Variants in SPMIP1 observed in about 807,000 individuals in gnomAD.
SPMIP1 encodes protein SPMIP1.
At chr7:128,868,658 T>C in the SPMIP1 span, 2 of 1,529,916 alleles carry the variant, frequency 1.3e-6, no homozygotes, top group South Asian at 2.4e-5. Flanking sequence ...TCTGACATCT[T>C]TTCCCAGGCC....
chr7:128,869,465 G>A, the SPMIP1 span: 2 of 152,372 alleles, frequency 1.3e-5, no homozygotes, highest in African/African-American at 4.8e-5. Context: ...CGGGAGTTGA[G>A]CCGGACTGGG....
At chr7:128,871,439 T>C in the SPMIP1 span, 1 of 152,234 alleles carries the variant, frequency 6.6e-6, no homozygotes, top group Non-Finnish European at 1.5e-5. Flanking sequence ...CCTTAGCCTT[T>C]TCTTTGTTTC....
chr7:128,869,257 G>C, the SPMIP1 span: 12 of 189,214 alleles, frequency 6.3e-5, no homozygotes, highest in Non-Finnish European at 1.2e-4. Flanking sequence ...GCGTCCTCCT[G>C]GCGGTGCGGA....
the SPMIP1 span, chr7:128,866,935 T>A: frequency 8.6e-7 from 1 of 1,169,212 alleles, no homozygotes; most frequent in Non-Finnish European, 1.2e-6. Flanking sequence ...AGCAAGGAGA[T>A]GGCCAAGAAG....
chr7:128,866,808 C>A, the SPMIP1 span: 1 of 1,534,442 alleles, frequency 6.5e-7, no homozygotes, highest in Non-Finnish European at 8.7e-7. Context: ...TCACCACCAG[C>A]TTCACGTATG....
the SPMIP1 span, chr7:128,868,739 C>T: frequency 2.0e-6 from 3 of 1,535,690 alleles, no homozygotes; most frequent in African/African-American, 1.4e-5. Flanking sequence ...AGAACGGGGC[C>T]TTCGCACTGC....
the SPMIP1 span, chr7:128,869,150 G>A: frequency 5.3e-5 from 19 of 360,468 alleles, no homozygotes; most frequent in African/African-American, 3.7e-4. Flanking sequence ...ACCCCTCCTT[G>A]CCCGCCCCTC....
the SPMIP1 span, chr7:128,869,769 C>A: frequency 6.6e-6 from 1 of 152,216 alleles, no homozygotes; most frequent in Non-Finnish European, 1.5e-5. Context: ...GCCGGCCACG[C>A]GGCCTTCAAG....
the SPMIP1 span, chr7:128,868,585 C>T: frequency 6.1e-6 from 5 of 822,826 alleles, no homozygotes; most frequent in Non-Finnish European, 9.5e-6. Context: ...ATTCCTAGGG[C>T]TGTGCAGACA....
At chr7:128,869,078 C>G in the SPMIP1 span, 1 of 401,860 alleles carries the variant, frequency 2.5e-6, no homozygotes, top group African/African-American at 2.0e-5. Flanking sequence ...TCTGGGTGTT[C>G]CTGGGGAGAG....
the SPMIP1 span, chr7:128,869,002 A>G: frequency 1.5e-5 from 7 of 455,132 alleles, no homozygotes; most frequent in Non-Finnish European, 2.4e-5. Context: ...GGTGCTGGGA[A>G]GGGCGAGCAC....
At chr7:128,866,675 AC>A in the SPMIP1 span, 38 of 1,503,794 alleles carry the variant, frequency 2.5e-5, no homozygotes, top group Non-Finnish European at 3.1e-5. Flanking sequence ...TCGGAAATGT[AC>A]CCGGTACCAC....
At chr7:128,868,129 G>T in the SPMIP1 span, among the ~76,000 whole-genome samples, 1 of 152,248 alleles carries the variant, frequency 6.6e-6, no homozygotes, top group Admixed American at 6.5e-5. Flanking sequence ...GCTGGGCGAT[G>T]TTGCTGCACG....
the SPMIP1 span, chr7:128,866,691 C>A: frequency 1.9e-4 from 281 of 1,497,542 alleles, 1 homozygote; most frequent in Non-Finnish European, 2.8e-5. Flanking sequence ...TACCACCTAT[C>A]ACCCGAGCCC....
the SPMIP1 span, chr7:128,869,835 G>A: frequency 1.2e-4 from 19 of 152,608 alleles, no homozygotes; most frequent in Non-Finnish European, 2.3e-4. Context: ...CGGAAGCCAA[G>A]CCTGGCCCAC....
chr7:128,866,939 C>A, the SPMIP1 span: 3 of 1,101,538 alleles, frequency 2.7e-6, no homozygotes, highest in African/African-American at 1.6e-5. Context: ...AGGAGATGGC[C>A]AAGAAGTGTC....
At chr7:128,866,725 G>A in the SPMIP1 span, 52 of 1,535,696 alleles carry the variant, frequency 3.4e-5, no homozygotes, top group South Asian at 3.3e-4. Flanking sequence ...CATCTCCCAC[G>A]ACTTCCAGGG....
chr7:128,871,045 A>C, the SPMIP1 span: 1 of 152,324 alleles, frequency 6.6e-6, no homozygotes, highest in African/African-American at 2.4e-5. Flanking sequence ...CTCATGTCCC[A>C]GCCCCTCATG....
the SPMIP1 span, among the ~76,000 whole-genome samples, chr7:128,867,086 T>C: frequency 6.6e-6 from 1 of 152,222 alleles, no homozygotes; most frequent in Non-Finnish European, 1.5e-5. Context: ...GTTTGGATTT[T>C]ATTTGTTGTG....
Sources: gnomAD v4.1 joint callset for allele counts (sites outside exome capture counted in the v4.1 genomes callset) on GRCh38, gnomAD v4.1.1 for gene constraint, MANE v1.5 for transcripts, NCBI Gene and HGNC (gene_info 2026-07-23, HGNC 2026-07-21) for gene names.